MTSS1: variants seen among roughly 807,000 people sequenced by gnomAD.
MTSS1 encodes the protein protein MTSS 1.
Under a neutral mutation model 79.0 loss-of-function variants are expected in MTSS1, and 18 were observed. That is an observed-to-expected ratio of 0.23 (90% confidence interval 0.16 to 0.34). The LOEUF is 0.34. Ranked by LOEUF, MTSS1 falls within the 10% of genes least tolerant of loss-of-function variation. MTSS1 has a pLI of 1.00. For missense variants in MTSS1, 815 were observed against 986.2 expected, an observed-to-expected ratio of 0.83 and a Z score of 2.33; for synonymous variants, 341 against 368.6, an observed-to-expected ratio of 0.93 and a Z score of 0.86.
At chr8:124,656,964 G>A (rs1212362963) in intron 3 of MTSS1, among the ~76,000 whole-genome samples, 1 of 152,080 alleles carries the variant, frequency 6.6e-6, no homozygotes, top group African/African-American at 2.4e-5. Flanking sequence ...CAAAGGACCA[G>A]TAAATGGCAT....
chr8:124,588,789 A>G (rs1249137738), intron 5 of MTSS1, among the ~76,000 whole-genome samples: 1 of 152,198 alleles, frequency 6.6e-6, no homozygotes, highest in Non-Finnish European at 1.5e-5. Context: ...ATCTCTGCTT[A>G]CTGCAACCTC....
chr8:124,625,529 G>T (rs955089749), intron 3 of MTSS1, among the ~76,000 whole-genome samples: 1 of 152,192 alleles, frequency 6.6e-6, no homozygotes, highest in South Asian at 2.1e-4. Flanking sequence ...CAGACGTTCA[G>T]TTCTCCAACA....
chr8:124,681,761 C>A (rs1029976354), intron 3 of MTSS1, among the ~76,000 whole-genome samples: 3 of 152,142 alleles, frequency 2.0e-5, no homozygotes, highest in African/African-American at 7.2e-5. Context: ...GCACTCCAGC[C>A]TCAGTGACAA....
chr8:124,665,324 G>A (rs925511520), intron 3 of MTSS1, among the ~76,000 whole-genome samples: 6 of 152,098 alleles, frequency 3.9e-5, no homozygotes, highest in South Asian at 2.1e-4. Flanking sequence ...GATTCATTCC[G>A]TGGGCACTGC....
At position 124,693,518 on chromosome 8, in the gene MTSS1, C is replaced by T. The variant is rs190464462; in HGVS notation, c.208+6008G>A. ...AAATCTGTACTGCAAATGTGTAACA[C>T]ATTTGTAAGAACTAAGCCATCAGCA... On this transcript the variant is annotated intron_variant, in intron 3 of 13. Transcript: ENST00000518547. 5.3e-4 allele frequency among the ~76,000 whole-genome samples: 81 copies of T among 152,314 alleles called. 1 individual carries two copies. The Middle Eastern group carries it at 0.014, about 26-fold the overall frequency.
rs114838301 is a variant in MTSS1 at position 124,696,946 on chromosome 8, T to G, written c.208+2580A>C. On this transcript the variant is annotated intron_variant, in intron 3 of 13. Transcript: ENST00000518547. Reference sequence around the variant, plus strand: ...AAATACATCACCTCCAAACTCCTACTCTACCCCCATCACTTCTGCAGTGAG... The same window carrying G: ...AAATACATCACCTCCAAACTCCTACGCTACCCCCATCACTTCTGCAGTGAG... Among the ~76,000 whole-genome samples, 937 of 152,296 alleles carry G rather than the reference T, an allele frequency of 6.2e-3. 15 individuals are homozygous for G. The highest frequency in any genetic ancestry group is 0.022 in the African/African-American group (906 of 41,566).
chr8:124,660,676 C>A (rs1365649848), intron 3 of MTSS1, among the ~76,000 whole-genome samples: 1 of 152,162 alleles, frequency 6.6e-6, no homozygotes. Context: ...GGAATCAGAG[C>A]AGCCACAATA....
At chr8:124,606,957 C>A (rs1228764018) in intron 3 of MTSS1, among the ~76,000 whole-genome samples, 3 of 152,150 alleles carry the variant, frequency 2.0e-5, no homozygotes, top group Non-Finnish European at 4.4e-5. Flanking sequence ...CTCCCCTCCG[C>A]AACCTGTCTT....
chr8:124,698,790 G>C (rs1243283812), intron 3 of MTSS1, among the ~76,000 whole-genome samples: 1 of 152,122 alleles, frequency 6.6e-6, no homozygotes, highest in Non-Finnish European at 1.5e-5. Flanking sequence ...CCAAAGTGCT[G>C]GGATTACAGG....
At chr8:124,599,139 C>G (rs1237167610) in intron 3 of MTSS1, among the ~76,000 whole-genome samples, 3 of 152,192 alleles carry the variant, frequency 2.0e-5, no homozygotes, top group Non-Finnish European at 4.4e-5. Flanking sequence ...CAGCAGCTCC[C>G]GTTCCCCCAC....
intron 3 of MTSS1, among the ~76,000 whole-genome samples, chr8:124,601,185 C>T (rs1301536288): frequency 1.3e-5 from 2 of 151,638 alleles, no homozygotes; most frequent in Non-Finnish European, 2.9e-5. Context: ...CTCAGCCACC[C>T]GAGTACCTGA....
intron 3 of MTSS1, among the ~76,000 whole-genome samples, chr8:124,614,196 T>C (rs1361992820): frequency 6.9e-6 from 1 of 145,374 alleles, no homozygotes; most frequent in Non-Finnish European, 1.5e-5. Flanking sequence ...GGTAGGAATA[T>C]AGCAAGAGGT....
chr8:124,562,956 G>A lies in MTSS1; in HGVS notation c.861C>T (p.Ser287=), dbSNP rs749661616. 2 of 1,612,314 alleles carry A rather than the reference G, an allele frequency of 1.2e-6. No individual in the cohort carries two copies. The highest frequency in any genetic ancestry group is 2.2e-5 in the East Asian group (1 of 44,834). Reference sequence around the variant, plus strand: ...TGGGGGAATGCGAGTGGGAGCCGCTGGACCGGGAGTCACTGCTGTTGACAC... The same window carrying A: ...TGGGGGAATGCGAGTGGGAGCCGCTAGACCGGGAGTCACTGCTGTTGACAC... ...LNSVNSSDSR[S]SGSHSHSPSS... is the part of the protein sequence containing the mutation. Residue 287 remains serine, a synonymous_variant, in exon 10 of 14, where the codon TCC becomes TCT. Coordinates refer to ENST00000518547, the MANE Select transcript of MTSS1 (RefSeq NM_014751.6).
chr8:124,725,355 C>CCCTT (rs10629955), intron 1 of MTSS1, among the ~76,000 whole-genome samples: 1 of 151,804 alleles, frequency 6.6e-6, no homozygotes, highest in Non-Finnish European at 1.5e-5. Flanking sequence ...GAAATTATTC[C>CCCTT]TTTTATTGTT....
At chr8:124,565,385 T>C (rs749221584) in intron 9 of MTSS1, among the ~76,000 whole-genome samples, 1 of 152,218 alleles carries the variant, frequency 6.6e-6, no homozygotes, top group Non-Finnish European at 1.5e-5. Flanking sequence ...GAAAATCAAA[T>C]GTGATCTCAT....
rs61150679 is a variant in MTSS1, at chr8:124,653,722, T to TCAAAACAAAA, written c.208+45794_208+45803dup. Among the ~76,000 whole-genome samples, 264 of 151,750 alleles carry TCAAAACAAAA rather than the reference T, an allele frequency of 1.7e-3. 2 individuals are homozygous for TCAAAACAAAA. The highest frequency in any genetic ancestry group is 6.8e-3 in the Middle Eastern group (2 of 294). On this transcript the variant is annotated intron_variant, in intron 3 of 13. Coordinates refer to ENST00000518547, the MANE Select transcript of MTSS1 (RefSeq NM_014751.6). ...CTGGGCAACAGAGCAAGACTCCATCTCAAAACAAAACAAAACAAAACAAAC... is the reference window on the plus strand; with the variant it reads ...CTGGGCAACAGAGCAAGACTCCATCTCAAAACAAAACAAAACAAAACAAAACAAAACAAAC...
At chr8:124,686,626 G>C (rs1420062517) in intron 3 of MTSS1, among the ~76,000 whole-genome samples, 1 of 152,184 alleles carries the variant, frequency 6.6e-6, no homozygotes, top group South Asian at 2.1e-4. Context: ...GTCTAGCTTG[G>C]TGATTCTCAA....
At chr8:124,704,081 T>G (rs1422201737) in intron 2 of MTSS1, 49 bp downstream of exon 2, 2 of 1,566,424 alleles carry the variant, frequency 1.3e-6, no homozygotes. Flanking sequence ...CACTCCATCC[T>G]TGTCTGAGGA....
At chr8:124,567,012 G>A (rs1826640054) in intron 8 of MTSS1, 59 bp downstream of exon 8, 2 of 1,317,524 alleles carry the variant, frequency 1.5e-6, no homozygotes, top group Admixed American at 3.5e-5. Context: ...GAACACTCAG[G>A]GCCTTGAGCT....
Sources: gnomAD v4.1 joint callset for allele counts (sites outside exome capture counted in the v4.1 genomes callset) on GRCh38, gnomAD v4.1.1 for gene constraint, MANE v1.5 for transcripts, NCBI Gene and HGNC (gene_info 2026-07-23, HGNC 2026-07-21) for gene names.